PPP2R3A: variants seen among roughly 807,000 people sequenced by gnomAD.
PPP2R3A encodes protein phosphatase 2 regulatory subunit B''alpha.
A neutral mutation model predicts 106.9 loss-of-function variants in PPP2R3A; 80 were observed. The ratio of observed to expected loss-of-function variants is 0.75; its 90% CI spans 0.62 to 0.90. The LOEUF is 0.90. Ranked by LOEUF, PPP2R3A falls within the 40% of genes least tolerant of loss-of-function variation. PPP2R3A has a pLI of 0.00. For synonymous variants in PPP2R3A, 483 were observed against 468.3 expected (o/e 1.03, Z -0.41); for missense variants, 1,386 against 1,350.4 (o/e 1.03, Z -0.41).
chr3:136,005,238 C>T (rs372447605), intron 2 of PPP2R3A, among the ~76,000 whole-genome samples: 4 of 152,182 alleles, frequency 2.6e-5, no homozygotes, highest in African/African-American at 7.2e-5. Flanking sequence ...AAATAAATTT[C>T]GTGTTTAGAC....
intron 13 of PPP2R3A, among the ~76,000 whole-genome samples, chr3:136,113,674 A>G (rs1937634965): frequency 6.6e-6 from 1 of 152,110 alleles, no homozygotes; most frequent in Non-Finnish European, 1.5e-5. Context: ...ACTTGCCTGT[A>G]ATCTCAGCTA....
chr3:136,048,500 CG>C (rs1488967461), intron 4 of PPP2R3A, among the ~76,000 whole-genome samples: 1 of 152,056 alleles, frequency 6.6e-6, no homozygotes, highest in Non-Finnish European at 1.5e-5. Context: ...GTGAAACCCC[CG>C]TCTCTACTAA....
intron 8 of PPP2R3A, among the ~76,000 whole-genome samples, chr3:136,084,413 A>T (rs1576490372): frequency 6.6e-6 from 1 of 152,236 alleles, no homozygotes; most frequent in East Asian, 1.9e-4. Context: ...ATTTCAGAGG[A>T]TGTATAAAAA....
At chr3:136,069,737 T>G (rs558199587) in intron 5 of PPP2R3A, among the ~76,000 whole-genome samples, 9 of 152,224 alleles carry the variant, frequency 5.9e-5, no homozygotes, top group Non-Finnish European at 1.3e-4. Context: ...AGCCAGTTAA[T>G]AGACTATATC....
At position 136,001,992 on chromosome 3, in the gene PPP2R3A, A is replaced by G. The variant is rs1933641274; in HGVS notation, c.494A>G (p.Tyr165Cys). The G allele has an allele frequency of 1.9e-6, 3 of 1,614,048 alleles. No individual in the cohort carries two copies. The highest frequency in any genetic ancestry group is 2.2e-5 in the East Asian group (1 of 44,884). The change falls in exon 2 of 14, where the codon TAT (tyrosine) becomes TGT (cysteine). Residue 165 changes from tyrosine to cysteine, a missense_variant. By Grantham distance (194) the Tyr-to-Cys change is radical. Coordinates refer to ENST00000264977, the MANE Select transcript of PPP2R3A (RefSeq NM_002718.5). Reference sequence around the variant, plus strand: ...GATTTGGACTTGCTTTGTGGCCATTATAACAACGATGGGAACGCCCCATCC... The same window carrying G: ...GATTTGGACTTGCTTTGTGGCCATTGTAACAACGATGGGAACGCCCCATCC... ...SVDLDLLCGH[Y>C]NNDGNAPSFG...
chr3:136,138,685 G>C (rs1576340536), intron 13 of PPP2R3A, among the ~76,000 whole-genome samples: 1 of 120,564 alleles, frequency 8.3e-6, no homozygotes, highest in South Asian at 3.0e-4. Context: ...CCAAACTAGA[G>C]AAATATTGAA....
At chr3:136,058,536 A>T (rs550911454) in intron 5 of PPP2R3A, among the ~76,000 whole-genome samples, 85 of 152,346 alleles carry the variant, frequency 5.6e-4, no homozygotes, top group Non-Finnish European at 4.7e-4. Flanking sequence ...ATGGAAAAAC[A>T]TTCCATGCTC....
chr3:136,042,240 TAA>T (rs1256988874), intron 4 of PPP2R3A, among the ~76,000 whole-genome samples: 1 of 152,124 alleles, frequency 6.6e-6, no homozygotes, highest in Non-Finnish European at 1.5e-5. Flanking sequence ...ACATTAGAAC[TAA>T]AGAGTCTATG....
At position 136,002,704 on chromosome 3, in the gene PPP2R3A, T is replaced by G. The variant is rs1406734773; in HGVS notation, c.1206T>G (p.Pro402=). 1.2e-6 allele frequency: 2 copies of G among 1,613,084 alleles called. No individual in the cohort carries two copies. The highest frequency in any genetic ancestry group is 1.7e-6 in the Non-Finnish European group (2 of 1,179,606). Residue 402 remains proline (P), a synonymous_variant, in exon 2 of 14, where the codon CCT becomes CCG. Transcript: ENST00000264977. Reference sequence around the variant, plus strand: ...AATCACAGTCATTAACCATGAATCCTTTAGAAAATGTTTCTTCTGACGACT... The same window carrying G: ...AATCACAGTCATTAACCATGAATCCGTTAGAAAATGTTTCTTCTGACGACT... ...QVQSQSLTMN[P]LENVSSDDLM...
chr3:136,050,976 A>C (rs1190881119), intron 5 of PPP2R3A, among the ~76,000 whole-genome samples: 1 of 152,154 alleles, frequency 6.6e-6, no homozygotes, highest in Admixed American at 6.5e-5. Context: ...GGTTTTAGAG[A>C]GAGAGAGATG....
chr3:136,122,744 T>C (rs561906699), intron 13 of PPP2R3A, among the ~76,000 whole-genome samples: 1 of 151,328 alleles, frequency 6.6e-6, no homozygotes, highest in South Asian at 2.1e-4. Context: ...TGGATACTGT[T>C]ATGTTACAGT....
At chr3:136,113,825 G>T (rs1006157687) in intron 13 of PPP2R3A, among the ~76,000 whole-genome samples, 3 of 151,672 alleles carry the variant, frequency 2.0e-5, no homozygotes, top group African/African-American at 7.3e-5. Flanking sequence ...AGACTTAAAT[G>T]TAAGACCTAA....
chr3:136,031,182 G>A (rs868459671), intron 3 of PPP2R3A, among the ~76,000 whole-genome samples: 4 of 151,966 alleles, frequency 2.6e-5, no homozygotes, highest in Non-Finnish European at 5.9e-5. Flanking sequence ...TCACATTGTG[G>A]TTTTGCAGGG....
chr3:135,988,270 G>T, intron 1 of PPP2R3A, among the ~76,000 whole-genome samples: 1 of 148,802 alleles, frequency 6.7e-6, no homozygotes, highest in Admixed American at 6.7e-5. Context: ...AAAAAAAACA[G>T]TTTTTTTAAA....
At chr3:136,056,816 CA>C (rs1935878546) in intron 5 of PPP2R3A, among the ~76,000 whole-genome samples, 3 of 151,938 alleles carry the variant, frequency 2.0e-5, no homozygotes, top group African/African-American at 7.3e-5. Flanking sequence ...AAAATATTTG[CA>C]AACCATATAT....
chr3:135,991,602 G>A (rs573303210), intron 1 of PPP2R3A, among the ~76,000 whole-genome samples: 182 of 152,042 alleles, frequency 1.2e-3, no homozygotes, highest in African/African-American at 4.1e-3. Context: ...ATACAAAATA[G>A]TTCTCTGGTA....
intron 5 of PPP2R3A, among the ~76,000 whole-genome samples, chr3:136,053,886 A>G (rs1935766967): frequency 6.6e-6 from 1 of 152,204 alleles, no homozygotes; most frequent in East Asian, 1.9e-4. Flanking sequence ...AATTATATCA[A>G]CTACCTTGTC....
intron 7 of PPP2R3A, among the ~76,000 whole-genome samples, chr3:136,081,950 G>C (rs1402437523): frequency 6.6e-6 from 1 of 152,158 alleles, no homozygotes; most frequent in Non-Finnish European, 1.5e-5. Flanking sequence ...TTAAGACTAT[G>C]ATCTAATTGT....
chr3:135,969,360 TGG>T (rs1013742808), intron 1 of PPP2R3A, among the ~76,000 whole-genome samples: 3 of 152,188 alleles, frequency 2.0e-5, no homozygotes, highest in Non-Finnish European at 4.4e-5. Context: ...TGATAGGATT[TGG>T]TGGTTGATAT....
Sources: allele counts gnomAD v4.1 joint callset (sites outside exome capture counted in the v4.1 genomes callset), GRCh38; gene constraint gnomAD v4.1.1; transcripts MANE v1.5; gene names NCBI Gene and HGNC (gene_info 2026-07-23, HGNC 2026-07-21).